The following SMC4 variants were observed in gnomAD, a reference collection of about 807,000 sequenced individuals.
The protein encoded by SMC4 is structural maintenance of chromosomes 4, also known as structural maintenance of chromosomes protein 4.
A neutral mutation model predicts 145.6 loss-of-function variants in SMC4; 87 were observed. The ratio of observed to expected loss-of-function variants is 0.60; its 90% CI spans 0.50 to 0.71. The LOEUF is 0.71. Ranked by LOEUF, SMC4 falls within the 30% of genes least tolerant of loss-of-function variation. SMC4 has a pLI of 0.00. For synonymous variants in SMC4, 558 were observed against 500.7 expected (o/e 1.11, Z -1.53); for missense variants, 1,447 against 1,537.1 (o/e 0.94, Z 0.98).
chr3:160,431,733 C>A lies in SMC4; in HGVS notation c.3205C>A (p.Pro1069Thr). Residue 1069 changes from proline (P) to threonine (T), a missense_variant, in exon 21 of 24, where the codon CCA becomes ACA. Pro to Thr is a conservative substitution (Grantham distance 38). Transcript: ENST00000357388. ...SPEDLEAIKN[P>T]DSITNQIALL... ...AGAGGATCTTGAAGCGATCAAGAAT[C>A]CAGATTCTATAACAAATCAAATTGC... 1.9e-6 allele frequency: 3 copies of A among 1,613,892 alleles called. No homozygotes were observed. Among genetic ancestry groups the A allele is most frequent in the Non-Finnish European group, 2.5e-6 (3 of 1,179,940 alleles).
rs779318364 is a variant in SMC4 at position 160,412,076 on chromosome 3, G to A, written c.844G>A (p.Gly282Arg). 1 of 1,612,064 alleles carries A rather than the reference G, an allele frequency of 6.2e-7. No homozygotes were observed. The highest frequency in any genetic ancestry group is 2.2e-5 in the East Asian group (1 of 44,748). Residue 282 changes from glycine to arginine, a missense_variant, in exon 6 of 24, where the codon GGA (glycine) becomes AGA (arginine). Physicochemically the swap from Gly to Arg is moderately radical, Grantham distance 125 (BLOSUM62 -2). Coordinates refer to ENST00000357388, the MANE Select transcript of SMC4 (RefSeq NM_001002800.3). ...AGTTGAAATATTAAATGAACACAGA[G>A]GAGAGAAGGTGAATCATCTGTAGAC... ...RRVEILNEHR[G>R]EKLNRVKMVE...
intron 4 of SMC4, 78 bp from the exon 5 acceptor site, chr3:160,404,250 T>C: frequency 7.5e-7 from 1 of 1,329,164 alleles, no homozygotes; most frequent in African/African-American, 1.5e-5. Context: ...AGTTTCAGTA[T>C]GAAATGAGTG....
intron 17 of SMC4, 31 bp downstream of exon 17, chr3:160,426,231 GAAAA>G (rs373580297): frequency 8.1e-7 from 1 of 1,238,546 alleles, no homozygotes; most frequent in South Asian, 1.5e-5. Flanking sequence ...TTTTTGGGGG[GAAAA>G]AAAAAACAGG....
At position 160,417,759 on chromosome 3, in the gene SMC4, G is replaced by A; in HGVS notation, c.1474G>A (p.Val492Ile). 4 of 1,612,940 alleles carry A rather than the reference G, an allele frequency of 2.5e-6. No homozygotes were observed. The highest frequency in any genetic ancestry group is 3.4e-6 in the Non-Finnish European group (4 of 1,179,732). ...EKELMGFSKS[V>I]NEARSKMDVA... ...AGAACTTATGGGTTTCAGCAAATCG[G>A]TAAATGAAGCACGTTCAAAGATGGA... The change falls in exon 11 of 24, where the codon GTA becomes ATA. Residue 492 changes from valine (V) to isoleucine (I), a missense_variant. By Grantham distance (29) the Val-to-Ile change is conservative (BLOSUM62 3). Transcript: ENST00000357388.
chr3:160,419,282 T>A, intron 11 of SMC4, 76 bp from the exon 12 acceptor site: 5 of 940,578 alleles, frequency 5.3e-6, no homozygotes, highest in Non-Finnish European at 7.8e-6. Context: ...ATTAAAGCAT[T>A]ACAACTAATT....
chr3:160,422,611 AC>A (rs990441820), intron 13 of SMC4, among the ~76,000 whole-genome samples: 15 of 152,238 alleles, frequency 9.9e-5, no homozygotes, highest in Non-Finnish European at 1.9e-4. Context: ...CAGATATTTT[AC>A]CCCATTCCTT....
rs66870368 is a variant in SMC4, at chr3:160,425,022, ATGTGTGTGTG to A, written c.2478+25_2478+34del. On this transcript the variant is annotated splice_donor_5th_base_variant and intron_variant, in intron 16 of 23. Transcript: ENST00000357388. Reference sequence around the variant, plus strand: ...AAAAATTTACTGCAAGCATCCAGGTATGTGTGTGTGTGTGTGTGTGTGTGTGTGTGTACTG... The same window carrying A: ...AAAAATTTACTGCAAGCATCCAGGTATGTGTGTGTGTGTGTGTGTGTACTG... 10,287 of 1,469,488 alleles carry A rather than the reference ATGTGTGTGTG, an allele frequency of 7.0e-3. 13 individuals carry two copies. Among genetic ancestry groups the A allele is most frequent in the Non-Finnish European group, 9.0e-3 (9,825 of 1,090,550 alleles). The allele number at this position is 1,469,488 out of a possible 1,614,324, so 91.0% of individuals were successfully genotyped here. A position where few individuals can be genotyped will look rare whatever the true frequency, so the allele number is the denominator to read the frequency against.
intron 18 of SMC4, 124 bp from the exon 19 acceptor site, chr3:160,430,475 A>C: frequency 1.1e-6 from 1 of 893,614 alleles, no homozygotes; most frequent in South Asian, 2.0e-5. Flanking sequence ...GTAAATCATA[A>C]ACTTAAAAAT....
In SMC4 at chr3:160,424,897, G is replaced by T; in HGVS notation, c.2356G>T (p.Asp786Tyr). The change falls in exon 16 of 24, where the codon GAC (aspartate) becomes TAC (tyrosine). Residue 786 changes from aspartate to tyrosine, a missense_variant. By Grantham distance (160) the Asp-to-Tyr change is radical. Transcript: ENST00000357388. ...VNKMESQLQN[D>Y]SKKAMQIQEQ... is the part of the protein sequence containing the mutation. ...CAAAATGGAATCACAGTTGCAAAAC[G>T]ACTCTAAAAAAGCAATGCAAATCCA... The T allele has an allele frequency of 6.2e-7, 1 of 1,613,886 alleles. No individual in the cohort carries two copies. Among genetic ancestry groups the T allele is most frequent in the South Asian group, 1.1e-5 (1 of 91,034 alleles).
At chr3:160,431,562 A>G (rs922055854) in intron 20 of SMC4, 81 bp from the exon 21 acceptor site, 2 of 1,085,474 alleles carry the variant, frequency 1.8e-6, no homozygotes, top group African/African-American at 3.2e-5. Context: ...ATAGCTGTGT[A>G]ATTTGTCATA....
intron 6 of SMC4, 80 bp downstream of exon 6, chr3:160,412,164 T>C: frequency 1.3e-6 from 2 of 1,493,548 alleles, no homozygotes; most frequent in African/African-American, 2.8e-5. Context: ...CAGATATTCA[T>C]GTTATAATAC....
rs147189772 is a variant in SMC4, at chr3:160,418,622, T to G, written c.1671+666T>G. Among the ~76,000 whole-genome samples, 308 of 152,348 alleles carry G rather than the reference T, an allele frequency of 2.0e-3. 1 individual carries two copies. The highest frequency in any genetic ancestry group is 7.0e-3 in the African/African-American group (293 of 41,596). Reference sequence around the variant, plus strand: ...GACCAGGTAGAATTTAAATGTAAATTAAGTTAGATCCAGTGACTGCTTCTG... The same window carrying G: ...GACCAGGTAGAATTTAAATGTAAATGAAGTTAGATCCAGTGACTGCTTCTG... On this transcript the variant is annotated intron_variant, in intron 11 of 23. Transcript: ENST00000357388.
Position 160,401,933 on chromosome 3 carries a change from T to G in SMC4, c.158T>G (p.Leu53Arg). Residue 53 changes from leucine to arginine, a missense_variant, in exon 3 of 24, where the codon CTT becomes CGT. Transcript: ENST00000357388. ...GACTTAGAGACTGCAAGTGAGGAAC[T>G]TGATAATAGAAGTTTAGAAGAGATT... The part of the protein sequence containing the change: ...ATAAETASEE[L>R]DNRSLEEILN... 6.3e-7 allele frequency: 1 copy of G among 1,599,702 alleles called. No homozygotes were observed. Among genetic ancestry groups the G allele is most frequent in the East Asian group, 2.3e-5 (1 of 43,718 alleles).
chr3:160,407,060 T>C (rs887478518), intron 5 of SMC4, among the ~76,000 whole-genome samples: 4 of 152,184 alleles, frequency 2.6e-5, no homozygotes, highest in Non-Finnish European at 5.9e-5. Context: ...AACTATGACT[T>C]ATAAATTAGG....
chr3:160,431,589 G>C, intron 20 of SMC4, 54 bp from the exon 21 acceptor site: 5 of 1,276,218 alleles, frequency 3.9e-6, no homozygotes, highest in Non-Finnish European at 5.4e-6. Flanking sequence ...TTTAAACAAT[G>C]AATTGTATGT....
At chr3:160,422,369 A>G (rs767841014) in intron 13 of SMC4, among the ~76,000 whole-genome samples, 1 of 152,208 alleles carries the variant, frequency 6.6e-6, no homozygotes, top group African/African-American at 2.4e-5. Flanking sequence ...GTTATGGTAC[A>G]TCTTTTTGAT....
intron 5 of SMC4, among the ~76,000 whole-genome samples, chr3:160,406,825 C>G (rs1352013235): frequency 6.6e-6 from 1 of 152,078 alleles, no homozygotes; most frequent in Non-Finnish European, 1.5e-5. Flanking sequence ...AATTGAATTC[C>G]TATTAAGGCA....
chr3:160,418,732 T>C (rs1462149455), intron 11 of SMC4, among the ~76,000 whole-genome samples: 5 of 152,020 alleles, frequency 3.3e-5, no homozygotes, highest in Admixed American at 3.3e-4. Flanking sequence ...GTAATAGACA[T>C]AATTTAAATC....
rs150616801 is a variant in SMC4, at chr3:160,402,235, T to TCACACA, written c.318+143_318+144insACACAC. 1.2e-3 allele frequency: 630 copies of TCACACA among 508,464 alleles called. 2 individuals are homozygous for TCACACA. Among genetic ancestry groups the TCACACA allele is most frequent in the African/African-American group, 0.012 (571 of 49,016 alleles). 31.5% of individuals were successfully genotyped at this position (508,464 alleles called of 1,614,324 possible). On this transcript the variant is annotated intron_variant, in intron 3 of 23. Transcript: ENST00000357388. Reference sequence around the variant, plus strand: ...TCCTGATAGTCTTTCTGTCTCTCTCTCTCACACACACACACACACGTTTCA... The same window carrying TCACACA: ...TCCTGATAGTCTTTCTGTCTCTCTCTCACACACTCACACACACACACACACGTTTCA...
Sources: gnomAD v4.1 joint callset for allele counts (sites outside exome capture counted in the v4.1 genomes callset) on GRCh38, gnomAD v4.1.1 for gene constraint, MANE v1.5 for transcripts, NCBI Gene and HGNC (gene_info 2026-07-23, HGNC 2026-07-21) for gene names.